Variants in MYO5A observed in about 807,000 individuals in gnomAD.
MYO5A encodes the protein myosin VA.
MYO5A carries 98 observed loss-of-function variants against 249.7 expected under a neutral mutation model. The ratio of observed to expected loss-of-function variants is 0.39; its 90% confidence interval spans 0.33 to 0.46. MYO5A has a LOEUF of 0.46. MYO5A is among the 20% of genes least tolerant of loss of function. The pLI, the probability that MYO5A is intolerant of heterozygous loss-of-function variation, is 0.98. For synonymous variants in MYO5A, 778 were observed against 810.6 expected, an observed-to-expected ratio of 0.96 and a Z score of 0.68; for missense variants, 1,696 against 2,308.8, an observed-to-expected ratio of 0.73 and a Z score of 5.44.
At chr15:52,337,733 C>G in intron 33 of MYO5A, 77 bp downstream of exon 33, 1 of 1,059,914 alleles carries the variant, frequency 9.4e-7, no homozygotes, top group Non-Finnish European at 1.4e-6. Flanking sequence ...AGGGGGCAGG[C>G]AGCAGTGTGC....
At chr15:52,316,929 C>A in intron 40 of MYO5A, 119 bp downstream of exon 40, 1 of 1,143,032 alleles carries the variant, frequency 8.7e-7, no homozygotes, top group Non-Finnish European at 1.3e-6. Flanking sequence ...CATATATCTT[C>A]TTGAACACAG....
chr15:52,463,583 A>C (rs1403565525), intron 1 of MYO5A, among the ~76,000 whole-genome samples: 3 of 152,182 alleles, frequency 2.0e-5, no homozygotes, highest in Non-Finnish European at 4.4e-5. Context: ...CTTTATACAG[A>C]AGAGGTTTTC....
chr15:52,454,673 T>C (rs1360791230), intron 1 of MYO5A, among the ~76,000 whole-genome samples: 1 of 152,056 alleles, frequency 6.6e-6, no homozygotes, highest in African/African-American at 2.4e-5. Flanking sequence ...AGTGGAACCC[T>C]GGAAAATTCA....
chr15:52,500,433 G>A (rs993106720), intron 1 of MYO5A, among the ~76,000 whole-genome samples: 1 of 147,308 alleles, frequency 6.8e-6, no homozygotes, highest in African/African-American at 2.5e-5. Context: ...TGCAACCTCT[G>A]CCCCTAGGGT....
chr15:52,403,289 A>C (rs1434145962), intron 9 of MYO5A, among the ~76,000 whole-genome samples: 3 of 152,250 alleles, frequency 2.0e-5, no homozygotes, highest in Admixed American at 6.5e-5. Flanking sequence ...AGTGTTATTC[A>C]TAACAGCCAA....
At chr15:52,348,310 G>A (rs58580789) in intron 29 of MYO5A, among the ~76,000 whole-genome samples, 149,154 of 152,260 alleles carry the variant, frequency 0.98, 73,134 homozygotes, top group Middle Eastern at 1. Flanking sequence ...AGAGAAACAG[G>A]GATATGGTAG....
At chr15:52,485,759 G>GAAACGAC (rs1315023345) in intron 1 of MYO5A, among the ~76,000 whole-genome samples, 2 of 152,072 alleles carry the variant, frequency 1.3e-5, no homozygotes, top group Admixed American at 6.6e-5. Context: ...AACTTGAACA[G>GAAACGAC]AAACGACAAG....
intron 14 of MYO5A, 107 bp downstream of exon 14, chr15:52,387,722 G>T: frequency 2.3e-6 from 2 of 855,440 alleles, no homozygotes; most frequent in Non-Finnish European, 3.8e-6. Context: ...TTATATATTT[G>T]GTAAATTAAA....
chr15:52,418,527 A>T (rs1174547544), intron 4 of MYO5A, among the ~76,000 whole-genome samples: 1 of 152,174 alleles, frequency 6.6e-6, no homozygotes, highest in Non-Finnish European at 1.5e-5. Flanking sequence ...GTATGGAACC[A>T]GTAGGAGATG....
intron 1 of MYO5A, among the ~76,000 whole-genome samples, chr15:52,507,822 G>A (rs1413094107): frequency 4.7e-4 from 51 of 109,400 alleles, no homozygotes; most frequent in Non-Finnish European, 4.8e-4. Context: ...AAAAAAAAAA[G>A]TGTAATAACT....
chr15:52,370,010 G>T (rs1196250126), intron 22 of MYO5A, among the ~76,000 whole-genome samples, 159 bp downstream of exon 22: 3 of 151,342 alleles, frequency 2.0e-5, no homozygotes, highest in African/African-American at 7.3e-5. Context: ...TTGATAATGA[G>T]AAATAAATGC....
chr15:52,418,018 C>T (rs2043594952), intron 4 of MYO5A, among the ~76,000 whole-genome samples: 2 of 152,256 alleles, frequency 1.3e-5, no homozygotes, highest in Admixed American at 6.5e-5. Context: ...CTAGAGATGA[C>T]AGCTGAACAA....
intron 38 of MYO5A, 139 bp downstream of exon 38, chr15:52,321,220 G>A (rs868404697): frequency 1.4e-5 from 15 of 1,088,988 alleles, no homozygotes; most frequent in South Asian, 6.5e-5. Context: ...GGGATTCCTC[G>A]GCTAATTTTA....
At chr15:52,498,942 T>C (rs2077096368) in intron 1 of MYO5A, among the ~76,000 whole-genome samples, 1 of 152,230 alleles carries the variant, frequency 6.6e-6, no homozygotes, top group Non-Finnish European at 1.5e-5. Context: ...TCTTGCTGGC[T>C]CAGGAATGTA....
intron 1 of MYO5A, among the ~76,000 whole-genome samples, chr15:52,519,625 T>G (rs200062202): frequency 6.7e-6 from 1 of 149,366 alleles, no homozygotes; most frequent in Non-Finnish European, 1.5e-5. Context: ...AAAATAATAA[T>G]AATAATAATA....
chr15:52,502,025 A>G (rs1306279476), intron 1 of MYO5A, among the ~76,000 whole-genome samples: 3 of 152,134 alleles, frequency 2.0e-5, no homozygotes, highest in Non-Finnish European at 4.4e-5. Context: ...ATATATATAA[A>G]CTAATATTAA....
At chr15:52,428,147 G>A (rs988564325) in intron 3 of MYO5A, among the ~76,000 whole-genome samples, 4 of 152,184 alleles carry the variant, frequency 2.6e-5, no homozygotes, top group African/African-American at 4.8e-5. Flanking sequence ...TCTGACATAT[G>A]ACTTCTGTAA....
At chr15:52,428,323 A>C in intron 3 of MYO5A, 75 bp downstream of exon 3, 1 of 1,438,340 alleles carries the variant, frequency 7.0e-7, no homozygotes, top group African/African-American at 1.4e-5. Context: ...TGCTTTCCCC[A>C]TGTACAATAT....
chr15:52,352,408 C>T (rs1190525629), intron 27 of MYO5A, among the ~76,000 whole-genome samples: 2 of 152,200 alleles, frequency 1.3e-5, no homozygotes, highest in Non-Finnish European at 2.9e-5. Context: ...TGTGTATAAA[C>T]ATTGAATATT....
Sources: allele counts gnomAD v4.1 joint callset (sites outside exome capture counted in the v4.1 genomes callset), GRCh38; gene constraint gnomAD v4.1.1; transcripts MANE v1.5; gene names NCBI Gene and HGNC (gene_info 2026-07-23, HGNC 2026-07-21).